RNF103: variants seen among roughly 807,000 people sequenced by gnomAD.
RNF103 encodes ring finger protein 103, also known as E3 ubiquitin-protein ligase RNF103.
A neutral mutation model predicts 66.2 loss-of-function variants in RNF103; 23 were observed. That is an observed-to-expected ratio of 0.35 (90% CI 0.25 to 0.49). The LOEUF (loss-of-function observed/expected upper bound fraction) is 0.49. Among genes scored for constraint, RNF103 ranks in the 20% least tolerant of loss-of-function variants. RNF103 has a pLI of 0.98. For missense variants in RNF103, 730 were observed against 814.7 expected (o/e 0.90, Z 1.27); for synonymous variants, 297 against 289.9 (o/e 1.02, Z -0.25).
Position 86,605,107 on chromosome 2 carries a change from A to C in RNF103, c.794T>G (p.Phe265Cys). The C allele has an allele frequency of 3.1e-6, 5 of 1,613,916 alleles. No individual in the cohort carries two copies. Among genetic ancestry groups the C allele is most frequent in the Non-Finnish European group, 4.2e-6 (5 of 1,179,998 alleles). ...IKFTGRVEFIFVNVENWDNKS... is the reference protein window; with the variant it reads ...IKFTGRVEFICVNVENWDNKS... ...GTTGTCCCAATTTTCTACATTAACA[A>C]AAATAAACTCAACTCTTCCAGTAAA... Residue 265 changes from phenylalanine (F) to cysteine (C), a missense_variant, in exon 4 of 4, where the codon TTT becomes TGT. By Grantham distance (205) the Phe-to-Cys change is radical. Around this residue, in one of 3 missense-constraint regions of RNF103, gnomAD observed 327 missense variants for 369.8 expected, o/e 0.88. Transcript: ENST00000237455.
chr2:86,604,463 A>C lies in RNF103; in HGVS notation c.1438T>G (p.Ser480Ala), dbSNP rs755290743. Residue 480 changes from serine to alanine, a missense_variant, in exon 4 of 4, where the codon TCT becomes GCT. This residue lies in a region of RNF103 where 355 missense variants were observed against 351.9 expected (regional missense o/e 1.01). Coordinates refer to ENST00000237455, the MANE Select transcript of RNF103 (RefSeq NM_005667.4). Reference sequence around the variant, plus strand: ...AAGTCAGGGTCTTCGTCCCAATCAGATTCTACAGGAAAGTTCTGAAAAGAA... The same window carrying C: ...AAGTCAGGGTCTTCGTCCCAATCAGCTTCTACAGGAAAGTTCTGAAAAGAA... ...IASFQNFPVESDWDEDPDLFL... is the reference protein window; with the variant it reads ...IASFQNFPVEADWDEDPDLFL... The C allele has an allele frequency of 1.2e-6, 2 of 1,614,100 alleles. No homozygotes were observed. The highest frequency in any genetic ancestry group is 1.7e-6 in the Non-Finnish European group (2 of 1,180,060).
intron 2 of RNF103, among the ~76,000 whole-genome samples, chr2:86,619,350 C>T: frequency 6.6e-6 from 1 of 152,180 alleles, no homozygotes; most frequent in Non-Finnish European, 1.5e-5. Context: ...ACTTTGCCCA[C>T]TCCAGTGTGA....
chr2:86,611,340 A>G (rs1015286124), intron 3 of RNF103, among the ~76,000 whole-genome samples: 1 of 152,144 alleles, frequency 6.6e-6, no homozygotes, highest in African/African-American at 2.4e-5. Flanking sequence ...CTATATTACT[A>G]GTGGGCAAAA....
chr2:86,622,288 C>A (rs1465587173), intron 1 of RNF103, among the ~76,000 whole-genome samples: 1 of 152,154 alleles, frequency 6.6e-6, no homozygotes, highest in Non-Finnish European at 1.5e-5. Context: ...TATTGACAGA[C>A]AACGTTTTGG....
At position 86,603,817 on chromosome 2, in the gene RNF103, G is replaced by C; in HGVS notation, c.*26C>G. On this transcript the variant is annotated 3_prime_UTR_variant, in exon 4 of 4. Transcript: ENST00000237455. ...AAAGGCAAGCTGTAAGATACTCAAA[G>C]CTTATAAAGGACAAATTGCACATGG... 6.3e-7 allele frequency: 1 copy of C among 1,580,108 alleles called. No homozygotes were observed. Among genetic ancestry groups the C allele is most frequent in the Non-Finnish European group, 8.6e-7 (1 of 1,165,700 alleles).
intron 1 of RNF103, among the ~76,000 whole-genome samples, chr2:86,621,665 T>C (rs1679233996): frequency 6.6e-6 from 1 of 151,584 alleles, no homozygotes; most frequent in Non-Finnish European, 1.5e-5. Flanking sequence ...ACGCTACATG[T>C]CTATAAGGTA....
chr2:86,616,953 G>C (rs1429935116), intron 2 of RNF103: 1 of 985,276 alleles, frequency 1.0e-6, no homozygotes, highest in African/African-American at 1.7e-5. Context: ...TCTTCTATTT[G>C]TAATGCTATG....
chr2:86,622,578 C>G, intron 1 of RNF103, 83 bp downstream of exon 1: 1 of 1,404,882 alleles, frequency 7.1e-7, no homozygotes, highest in South Asian at 1.2e-5. Context: ...AGGCCTCACT[C>G]TGGGGGAACA....
Position 86,623,207 on chromosome 2 carries a change from G to A in RNF103, c.-321C>T, listed in dbSNP as rs1214569405. On this transcript the variant is annotated 5_prime_UTR_variant, in exon 1 of 4. Coordinates refer to ENST00000237455, the MANE Select transcript of RNF103 (RefSeq NM_005667.4). The stretch of plus-strand genomic sequence containing the variant: ...GGAGAGGGGCGCGGGGAGAGCTCGC[G>A]GGGAAGAACAAAACGAGGGACGCTT... 3 of 1,027,348 alleles carry A rather than the reference G, an allele frequency of 2.9e-6. No homozygotes were observed. The highest frequency in any genetic ancestry group is 1.7e-5 in the African/African-American group (1 of 58,164). 63.6% of individuals were successfully genotyped at this position (1,027,348 alleles called of 1,614,324 possible). A position where few individuals can be genotyped will look rare whatever the true frequency, so the allele number is the denominator to read the frequency against.
At chr2:86,606,807 T>G (rs1473076161) in intron 3 of RNF103, among the ~76,000 whole-genome samples, 2 of 152,124 alleles carry the variant, frequency 1.3e-5, no homozygotes, top group African/African-American at 4.8e-5. Context: ...AGATAGGGTC[T>G]TTCCCTGTCA....
At position 86,614,616 on chromosome 2, in the gene RNF103, A is replaced by G. The variant is rs75453925; in HGVS notation, c.367-2342T>C. On this transcript the variant is annotated intron_variant, in intron 2 of 3. Coordinates refer to ENST00000237455, the MANE Select transcript of RNF103 (RefSeq NM_005667.4). ...AGACTCCATCTCAAAAAAAAGAGAG[A>G]AAAAAAAGTTGTACCTAGAAAATTA... 173 of 325,274 alleles carry G rather than the reference A, an allele frequency of 5.3e-4. 4 individuals are homozygous for G. Among genetic ancestry groups the G allele is most frequent in the Non-Finnish European group, 7.1e-4 (166 of 234,622 alleles). The allele number at this position is 325,274 out of a possible 1,614,324, so 20.1% of individuals were successfully genotyped here.
chr2:86,605,442 A>G, intron 3 of RNF103, 24 bp from the exon 4 acceptor site: 1 of 1,568,762 alleles, frequency 6.4e-7, no homozygotes, highest in South Asian at 1.2e-5. Flanking sequence ...AACTGTAAAT[A>G]AACAGCTAGG....
chr2:86,618,031 G>A (rs545832042), intron 2 of RNF103: 11 of 455,020 alleles, frequency 2.4e-5, no homozygotes, highest in Non-Finnish European at 4.9e-5. Context: ...AATTAAGCAG[G>A]TGTCCTACTG....
intron 3 of RNF103, among the ~76,000 whole-genome samples, chr2:86,609,245 T>G (rs572766218): frequency 6.6e-6 from 1 of 152,128 alleles, no homozygotes; most frequent in African/African-American, 2.4e-5. Flanking sequence ...CACTTCCCCT[T>G]TGACCTTCTC....
chr2:86,613,725 C>G (rs1349936134), intron 2 of RNF103: 1 of 152,074 alleles, frequency 6.6e-6, no homozygotes, highest in Non-Finnish European at 1.5e-5. Flanking sequence ...GAACGTCTAA[C>G]AAATGTCAGA....
At chr2:86,615,399 G>T in intron 2 of RNF103, 1 of 281,640 alleles carries the variant, frequency 3.6e-6, no homozygotes, top group Non-Finnish European at 5.3e-6. Context: ...AATTAAATTT[G>T]GTGGAGTTTA....
intron 2 of RNF103, among the ~76,000 whole-genome samples, chr2:86,619,508 AT>A (rs1204838314): frequency 6.6e-6 from 1 of 152,220 alleles, no homozygotes; most frequent in Non-Finnish European, 1.5e-5. Context: ...AGCTTCAGCC[AT>A]TCACAGACTA....
rs1573347517 is a variant in RNF103, at chr2:86,603,737, C to T, written c.*106G>A. Reference sequence around the variant, plus strand: ...TTAGCATAATGTGTATTTCCCGTCACTGCACTAACATTAAACTAAACTTCA... The same window carrying T: ...TTAGCATAATGTGTATTTCCCGTCATTGCACTAACATTAAACTAAACTTCA... On this transcript the variant is annotated 3_prime_UTR_variant, in exon 4 of 4. Coordinates refer to ENST00000237455, the MANE Select transcript of RNF103 (RefSeq NM_005667.4). The T allele has an allele frequency of 6.9e-7, 1 of 1,443,302 alleles. No homozygotes were observed. The highest frequency in any genetic ancestry group is 2.3e-5 in the East Asian group (1 of 43,738). 89.4% of individuals were successfully genotyped at this position (1,443,302 alleles called of 1,614,324 possible).
chr2:86,620,563 A>G, intron 1 of RNF103, 94 bp from the exon 2 acceptor site: 1 of 1,342,504 alleles, frequency 7.4e-7, no homozygotes, highest in South Asian at 2.3e-5. Flanking sequence ...AAGAATCATG[A>G]TATTGTACTT....
Sources: allele counts gnomAD v4.1 joint callset (sites outside exome capture counted in the v4.1 genomes callset), GRCh38; gene constraint gnomAD v4.1.1; regional missense constraint gnomAD v4.1.1; transcripts MANE v1.5; gene names NCBI Gene and HGNC (gene_info 2026-07-23, HGNC 2026-07-21).